The following GAB4 variants were observed in gnomAD, a reference collection of about 807,000 sequenced individuals.
GAB4 encodes GRB2 associated binding protein family member 4, also known as GRB2-associated-binding protein 4.
In GAB4, 26 loss-of-function variants were observed where a neutral mutation model predicts 51.3. That is an observed-to-expected ratio of 0.51 (90% CI 0.37 to 0.70). GAB4 has a LOEUF of 0.70. Among genes scored for constraint, GAB4 ranks in the 30% least tolerant of loss-of-function variants. GAB4 has a pLI of 0.00. For synonymous variants in GAB4, 329 were observed against 291.2 expected (o/e 1.13, Z -1.32); for missense variants, 759 against 734.6 (o/e 1.03, Z -0.38).
chr22:17,003,431 G>A (rs2061014601), intron 1 of GAB4, among the ~76,000 whole-genome samples: 1 of 152,064 alleles, frequency 6.6e-6, no homozygotes, highest in African/African-American at 2.4e-5. Flanking sequence ...TACAAAATTG[G>A]AAGTAAAACA....
intron 9 of GAB4, 83 bp downstream of exon 9, chr22:16,963,642 C>T: frequency 1.1e-6 from 1 of 926,772 alleles, no homozygotes; most frequent in Non-Finnish European, 1.7e-6. Flanking sequence ...CAGCCCAGTG[C>T]TGCCGGTGCT....
At chr22:16,979,461 G>A (rs1025810824) in intron 3 of GAB4, among the ~76,000 whole-genome samples, 1 of 152,056 alleles carries the variant, frequency 6.6e-6, no homozygotes, top group African/African-American at 2.4e-5. Context: ...GAACTTACAA[G>A]GGATGAGAAG....
At chr22:16,982,280 C>T (rs1228116414) in intron 3 of GAB4, among the ~76,000 whole-genome samples, 5 of 152,056 alleles carry the variant, frequency 3.3e-5, no homozygotes, top group African/African-American at 7.2e-5. Context: ...TTTAGGAAAA[C>T]TTAAAAATGC....
rs149796172 is a variant in GAB4, at chr22:17,005,212, C to T, written c.174+2729G>A. On this transcript the variant is annotated intron_variant, in intron 1 of 9. Coordinates refer to ENST00000400588, the MANE Select transcript of GAB4 (RefSeq NM_001037814.1). ...AGCATTCCTATACACCAATAATAGA[C>T]AAATAGAGAGCCAAATCATGAGTGA... Among the ~76,000 whole-genome samples the T allele has an allele frequency of 3.5e-3, 527 of 152,196 alleles. 8 individuals carry two copies. The highest frequency in any genetic ancestry group is 0.012 in the African/African-American group (502 of 41,514).
intron 3 of GAB4, among the ~76,000 whole-genome samples, chr22:16,986,257 G>A (rs528456217): frequency 1.3e-5 from 2 of 152,308 alleles, no homozygotes; most frequent in South Asian, 4.1e-4. Context: ...ACCCACCCTA[G>A]GTTCGCTGAT....
intron 1 of GAB4, among the ~76,000 whole-genome samples, chr22:16,995,432 G>GT (rs989173509): frequency 6.6e-6 from 1 of 152,174 alleles, no homozygotes; most frequent in African/African-American, 2.4e-5. Context: ...AGAGCACAGC[G>GT]TATCTCCCAG....
intron 1 of GAB4, among the ~76,000 whole-genome samples, chr22:16,995,174 T>C (rs16981924): frequency 0.093 from 14,175 of 152,106 alleles, 707 homozygotes; most frequent in African/African-American, 0.11. Flanking sequence ...TTGCTTTACG[T>C]GTAGAATTTG....
chr22:16,993,090 A>T (rs2060926305), intron 1 of GAB4, among the ~76,000 whole-genome samples: 1 of 152,108 alleles, frequency 6.6e-6, no homozygotes, highest in Admixed American at 6.5e-5. Flanking sequence ...CATCCCATAG[A>T]ATTGAATGCA....
chr22:17,001,797 G>A (rs1444891839), intron 1 of GAB4, among the ~76,000 whole-genome samples: 1 of 152,126 alleles, frequency 6.6e-6, no homozygotes, highest in Non-Finnish European at 1.5e-5. Flanking sequence ...TCCTTGAACT[G>A]AGGTGGATTC....
At chr22:17,000,894 A>G (rs1402617977) in intron 1 of GAB4, among the ~76,000 whole-genome samples, 2 of 152,178 alleles carry the variant, frequency 1.3e-5, no homozygotes, top group South Asian at 2.1e-4. Context: ...TCCTTCACTT[A>G]TGAAGCTTAG....
chr22:17,007,315 A>C (rs1006643746), intron 1 of GAB4, among the ~76,000 whole-genome samples: 2 of 152,252 alleles, frequency 1.3e-5, no homozygotes, highest in African/African-American at 2.4e-5. Context: ...GTTTAACCAC[A>C]TGAATTAATA....
At chr22:16,980,657 G>A (rs1408419603) in intron 3 of GAB4, among the ~76,000 whole-genome samples, 3 of 152,120 alleles carry the variant, frequency 2.0e-5, no homozygotes, top group Non-Finnish European at 4.4e-5. Context: ...CCATTACTGG[G>A]TATATACCCA....
intron 2 of GAB4, among the ~76,000 whole-genome samples, chr22:16,988,400 C>G (rs2060886993): frequency 3.3e-5 from 5 of 152,178 alleles, no homozygotes. Flanking sequence ...GCCCTGGGCC[C>G]TGACTGCTCC....
At chr22:16,989,193 C>T (rs915008918) in intron 2 of GAB4, among the ~76,000 whole-genome samples, 1 of 152,156 alleles carries the variant, frequency 6.6e-6, no homozygotes, top group Non-Finnish European at 1.5e-5. Flanking sequence ...ATCAAAAACC[C>T]CAACAGCAAA....
Position 17,008,159 on chromosome 22 carries a change from G to T in GAB4, c.-45C>A. On this transcript the variant is annotated 5_prime_UTR_variant, in exon 1 of 10. Transcript: ENST00000400588. ...GAAGGTGGGGGAGACAGGGCGAGAGGGCGTTGCTGGAGGTGGGGTGTGAGG... is the reference window on the plus strand; with the variant it reads ...GAAGGTGGGGGAGACAGGGCGAGAGTGCGTTGCTGGAGGTGGGGTGTGAGG... 7.0e-7 allele frequency: 1 copy of T among 1,424,748 alleles called. No individual in the cohort carries two copies. Among genetic ancestry groups the T allele is most frequent in the East Asian group, 2.4e-5 (1 of 42,114 alleles). 88.3% of individuals were successfully genotyped at this position (1,424,748 alleles called of 1,614,324 possible). A position where few individuals can be genotyped will look rare whatever the true frequency, so the allele number is the denominator to read the frequency against.
intron 1 of GAB4, among the ~76,000 whole-genome samples, chr22:17,001,256 C>T (rs765610299): frequency 4.6e-5 from 7 of 152,186 alleles, no homozygotes; most frequent in Non-Finnish European, 1.0e-4. Flanking sequence ...TTCCATTCTG[C>T]CCGTCACTTT....
intron 9 of GAB4, 81 bp from the exon 10 acceptor site, chr22:16,962,957 C>G: frequency 1.5e-6 from 2 of 1,352,836 alleles, no homozygotes. Flanking sequence ...AGTGGGCTCT[C>G]TCAAACTTTC....
chr22:16,965,017 T>G (rs990941772), intron 7 of GAB4, among the ~76,000 whole-genome samples, 155 bp from the exon 8 acceptor site: 1 of 152,098 alleles, frequency 6.6e-6, no homozygotes, highest in African/African-American at 2.4e-5. Flanking sequence ...ATTCCCCCTT[T>G]ACAGATGAGA....
In GAB4 at chr22:16,970,231, G is replaced by A. The variant is rs764656016; in HGVS notation, c.687-38C>T. 1.1e-5 allele frequency: 18 copies of A among 1,611,158 alleles called. No individual in the cohort carries two copies. In the African/African-American group the frequency reaches 1.7e-4, roughly 16 times the overall value. ...AAGAAGGGAAGGGGCAGGGGTGAGA[G>A]GAGGCCAGGACTGCCCCAGGGAGGC... is the stretch of plus-strand genomic sequence containing the variant. On this transcript the variant is annotated intron_variant, in intron 3 of 9. Coordinates refer to ENST00000400588, the MANE Select transcript of GAB4 (RefSeq NM_001037814.1).
Sources: gnomAD v4.1 joint callset for allele counts (sites outside exome capture counted in the v4.1 genomes callset) on GRCh38, gnomAD v4.1.1 for gene constraint, MANE v1.5 for transcripts, NCBI Gene and HGNC (gene_info 2026-07-23, HGNC 2026-07-21) for gene names.